The following CSMD1 variants were observed in gnomAD, a reference collection of about 807,000 sequenced individuals.
The protein encoded by CSMD1 is CUB and sushi domain-containing protein 1.
CSMD1 carries 213 observed loss-of-function variants against 417.5 expected under a neutral mutation model. The ratio of observed to expected loss-of-function variants is 0.51; its 90% CI spans 0.46 to 0.57. The LOEUF (loss-of-function observed/expected upper bound fraction) is 0.57, where lower values mean the gene tolerates loss of function less well. Among genes scored for constraint, CSMD1 ranks in the 20% least tolerant of loss-of-function variants. The pLI is 0.00. For missense variants in CSMD1, 6,923 were observed against 4,529.7 expected (o/e 1.53, Z -15.17); for synonymous variants, 2,862 against 1,736.8 (o/e 1.65, Z -16.11).
chr8:4,248,789 C>G (rs1312577274), intron 3 of CSMD1, among the ~76,000 whole-genome samples: 1 of 152,078 alleles, frequency 6.6e-6, no homozygotes, highest in Non-Finnish European at 1.5e-5. Flanking sequence ...TTTTCCTCCT[C>G]TGAATGGAAA....
chr8:4,403,414 G>T (rs80345415), intron 3 of CSMD1, among the ~76,000 whole-genome samples: 3 of 152,096 alleles, frequency 2.0e-5, no homozygotes, highest in African/African-American at 4.8e-5. Flanking sequence ...AACCACAGAA[G>T]TAAGAGTTTC....
chr8:4,274,360 A>G (rs985078091), intron 3 of CSMD1, among the ~76,000 whole-genome samples: 1 of 152,144 alleles, frequency 6.6e-6, no homozygotes, highest in Non-Finnish European at 1.5e-5. Context: ...TCACTTTTCT[A>G]AACTATGAGC....
At chr8:4,253,022 C>T (rs1387438049) in intron 3 of CSMD1, among the ~76,000 whole-genome samples, 1 of 152,194 alleles carries the variant, frequency 6.6e-6, no homozygotes, top group African/African-American at 2.4e-5. Context: ...GTACCAGCAG[C>T]TGAACAAAAT....
At chr8:2,970,579 T>C (rs1804372385) in intron 57 of CSMD1, among the ~76,000 whole-genome samples, 2 of 152,218 alleles carry the variant, frequency 1.3e-5, no homozygotes, top group African/African-American at 4.8e-5. Context: ...TCTTTGTAAC[T>C]ATTGAGGAAA....
rs1469706856 is a variant in CSMD1 at position 3,839,272 on chromosome 8, T to G, written c.819-85230A>C. 4.0e-5 allele frequency among the ~76,000 whole-genome samples: 5 copies of G among 124,516 alleles called. No homozygotes were observed. The East Asian group carries it at 1.1e-3, about 27-fold the overall frequency. The allele number at this position is 124,516 out of a possible 152,430, so 81.7% of individuals were successfully genotyped here. A position where few individuals can be genotyped will look rare whatever the true frequency, so the allele number is the denominator to read the frequency against. On this transcript the variant is annotated intron_variant, in intron 5 of 69. Coordinates refer to ENST00000635120, the MANE Select transcript of CSMD1 (RefSeq NM_033225.6). ...AATATATATTACTTATATATACTAT[T>G]AATATATAATATTAATTATATATAC... is the stretch of plus-strand genomic sequence containing the variant.
At position 4,683,014 on chromosome 8, in the gene CSMD1, A is replaced by G. The variant is rs1183331982; in HGVS notation, c.86-45456T>C. Among the ~76,000 whole-genome samples, 3 of 146,764 alleles carry G rather than the reference A, an allele frequency of 2.0e-5. No homozygotes were observed. The East Asian group carries it at 6.0e-4, about 29-fold the overall frequency. On this transcript the variant is annotated intron_variant, in intron 1 of 69. Transcript: ENST00000635120. ...TATATAGTCACACATAAACACATCC[A>G]AATTATCTCACTTCTTGTGAAATAT...
At chr8:3,464,646 T>C (rs1172014210) in intron 12 of CSMD1, among the ~76,000 whole-genome samples, 1 of 150,514 alleles carries the variant, frequency 6.6e-6, no homozygotes, top group African/African-American at 2.4e-5. Flanking sequence ...TCTATATATA[T>C]AGCAAATTTA....
In CSMD1 at chr8:4,021,237, A is replaced by C. The variant is rs570524487; in HGVS notation, c.610+10668T>G. 2.0e-5 allele frequency among the ~76,000 whole-genome samples: 3 copies of C among 152,376 alleles called. No homozygotes were observed. In the South Asian group the frequency reaches 6.2e-4, roughly 32 times the overall value. Reference sequence around the variant, plus strand: ...ATTTTGAAACTAGCATCTTTTGAAAATCAAAATACTTCACTTACAGTTTAC... The same window carrying C: ...ATTTTGAAACTAGCATCTTTTGAAACTCAAAATACTTCACTTACAGTTTAC... On this transcript the variant is annotated intron_variant, in intron 4 of 69. Transcript: ENST00000635120.
At chr8:4,081,281 T>A (rs1800116053) in intron 3 of CSMD1, among the ~76,000 whole-genome samples, 1 of 152,198 alleles carries the variant, frequency 6.6e-6, no homozygotes. Context: ...CCAGCGATTC[T>A]CGTCTCCTAG....
chr8:4,658,390 A>G (rs566958880), intron 1 of CSMD1, among the ~76,000 whole-genome samples: 283 of 152,280 alleles, frequency 1.9e-3, no homozygotes, highest in Middle Eastern at 3.4e-3. Flanking sequence ...ATCCTTAGAA[A>G]GAGCACCTGC....
intron 9 of CSMD1, among the ~76,000 whole-genome samples, chr8:3,582,022 T>A (rs1800404041): frequency 6.6e-6 from 1 of 152,158 alleles, no homozygotes; most frequent in Non-Finnish European, 1.5e-5. Flanking sequence ...CTTGAACTCC[T>A]GACCTCAGGT....
Position 3,986,391 on chromosome 8 carries a change from G to T in CSMD1, c.818+11512C>A, listed in dbSNP as rs564836637. Reference sequence around the variant, plus strand: ...CCCCAGCCAACCTTCCTAACCACAGGCCCTGGACATTTCACTGTTGAATAC... The same window carrying T: ...CCCCAGCCAACCTTCCTAACCACAGTCCCTGGACATTTCACTGTTGAATAC... On this transcript the variant is annotated intron_variant, in intron 5 of 69. Coordinates refer to ENST00000635120, the MANE Select transcript of CSMD1 (RefSeq NM_033225.6). Among the ~76,000 whole-genome samples the T allele has an allele frequency of 3.9e-5, 6 of 152,146 alleles. No individual in the cohort carries two copies. In the East Asian group the frequency reaches 9.7e-4, roughly 25 times the overall value.
In CSMD1 at chr8:4,786,595, C is replaced by A. The variant is rs368716714; in HGVS notation, c.86-149037G>T. On this transcript the variant is annotated intron_variant, in intron 1 of 69. Transcript: ENST00000635120. Reference sequence around the variant, plus strand: ...AAATACAGCAGTGTGGCATTTGAGGCATCAACATTCGTAAGATGATGCTTG... The same window carrying A: ...AAATACAGCAGTGTGGCATTTGAGGAATCAACATTCGTAAGATGATGCTTG... Among the ~76,000 whole-genome samples the A allele has an allele frequency of 1.7e-4, 26 of 152,310 alleles. No individual in the cohort carries two copies. The East Asian group carries it at 4.8e-3, about 28-fold the overall frequency.
chr8:4,888,808 G>A (rs961630885), intron 1 of CSMD1, among the ~76,000 whole-genome samples: 2 of 151,988 alleles, frequency 1.3e-5, no homozygotes, highest in Admixed American at 6.6e-5. Context: ...GGTCACAAAG[G>A]CCAACTTGAA....
In CSMD1 at chr8:3,651,474, T is replaced by C. The variant is rs1797855181; in HGVS notation, c.1010-34677A>G. ...CTGTGCACGTTCTGACTTCCCTTTC[T>C]AGAACACTCTTCCTCCACTTATCTG... On this transcript the variant is annotated intron_variant, in intron 7 of 69. Transcript: ENST00000635120. 1.3e-5 allele frequency among the ~76,000 whole-genome samples: 2 copies of C among 152,082 alleles called. 1 individual carries two copies.
At chr8:4,428,235 A>C (rs192067886) in intron 2 of CSMD1, among the ~76,000 whole-genome samples, 10 of 152,314 alleles carry the variant, frequency 6.6e-5, no homozygotes, top group South Asian at 2.1e-4. Flanking sequence ...TTCTAAACAC[A>C]AGACAACTAG....
At chr8:3,259,057 G>T (rs1348014058) in intron 26 of CSMD1, among the ~76,000 whole-genome samples, 1 of 152,142 alleles carries the variant, frequency 6.6e-6, no homozygotes, top group Non-Finnish European at 1.5e-5. Flanking sequence ...CTCTAGGGAA[G>T]CCAAGGGCAC....
intron 1 of CSMD1, among the ~76,000 whole-genome samples, chr8:4,954,989 G>C (rs1357853455): frequency 6.6e-6 from 1 of 151,982 alleles, no homozygotes; most frequent in Non-Finnish European, 1.5e-5. Context: ...AATTTTTCTG[G>C]GTTTTCAATG....
chr8:3,995,767 G>C (rs1815166075), intron 5 of CSMD1, among the ~76,000 whole-genome samples: 1 of 152,176 alleles, frequency 6.6e-6, no homozygotes, highest in Non-Finnish European at 1.5e-5. Context: ...AAGAATACAA[G>C]TATAAATACA....
Sources: gnomAD v4.1 joint callset for allele counts (sites outside exome capture counted in the v4.1 genomes callset) on GRCh38, gnomAD v4.1.1 for gene constraint, MANE v1.5 for transcripts, NCBI Gene and HGNC (gene_info 2026-07-23, HGNC 2026-07-21) for gene names.